Variants in TIAM1 observed in about 807,000 individuals in gnomAD.
TIAM1 encodes TIAM Rac1 associated GEF 1.
Under a neutral mutation model 163.5 loss-of-function variants are expected in TIAM1, and 65 were observed. That is an observed-to-expected ratio of 0.40 (90% confidence interval 0.33 to 0.49). The LOEUF (loss-of-function observed/expected upper bound fraction) is 0.49, where lower values mean the gene tolerates loss of function less well. TIAM1 is among the 20% of genes least tolerant of loss of function. The pLI is 0.77. For synonymous variants in TIAM1, 833 were observed against 810.1 expected, an observed-to-expected ratio of 1.03 and a Z score of -0.48; for missense variants, 1,789 against 2,044.7, an observed-to-expected ratio of 0.87 and a Z score of 2.41.
At position 31,229,573 on chromosome 21, in the gene TIAM1, G is replaced by A. The variant is rs8127100; in HGVS notation, c.1585-3623C>T. Among the ~76,000 whole-genome samples the A allele has an allele frequency of 6.8e-3, 1,038 of 152,042 alleles. 5 individuals carry two copies. Among genetic ancestry groups the A allele is most frequent in the African/African-American group, 0.024 (988 of 41,486 alleles). ...TGATAAAAAGCTGGTTCCTTGACCC[G>A]AAACATGCTTTCCATTTTGTTTGTA... On this transcript the variant is annotated intron_variant, in intron 6 of 27. Transcript: ENST00000541036.
chr21:31,525,512 C>T (rs1321814580), intron 1 of TIAM1, among the ~76,000 whole-genome samples: 1 of 152,016 alleles, frequency 6.6e-6, no homozygotes, highest in East Asian at 1.9e-4. Context: ...CACTAGGAAA[C>T]AAATTTCAGC....
chr21:31,390,358 A>G (rs1045580952), intron 2 of TIAM1, among the ~76,000 whole-genome samples: 19 of 152,352 alleles, frequency 1.2e-4, no homozygotes, highest in African/African-American at 4.6e-4. Flanking sequence ...ATCAAAAATG[A>G]CAAGTGATTT....
intron 13 of TIAM1, among the ~76,000 whole-genome samples, chr21:31,187,650 A>G (rs535174822): frequency 1.3e-5 from 2 of 152,198 alleles, no homozygotes; most frequent in African/African-American, 2.4e-5. Context: ...GTATCTGATC[A>G]TAAGATTATC....
intron 2 of TIAM1, among the ~76,000 whole-genome samples, chr21:31,423,389 C>T (rs886945777): frequency 1.3e-5 from 2 of 152,036 alleles, no homozygotes; most frequent in Non-Finnish European, 2.9e-5. Flanking sequence ...TGAGCCACCG[C>T]GCCCAGCCTG....
chr21:31,371,388 C>T (rs1569273530), intron 2 of TIAM1, among the ~76,000 whole-genome samples: 5 of 152,114 alleles, frequency 3.3e-5, no homozygotes, highest in African/African-American at 1.2e-4. Flanking sequence ...AGACTCAAGC[C>T]AAGGGAGGTT....
At chr21:31,522,918 A>G (rs1225995108) in intron 1 of TIAM1, among the ~76,000 whole-genome samples, 1 of 152,232 alleles carries the variant, frequency 6.6e-6, no homozygotes, top group African/African-American at 2.4e-5. Context: ...TTAAGCTACA[A>G]CCACAAATTC....
intron 2 of TIAM1, among the ~76,000 whole-genome samples, chr21:31,385,262 C>T (rs923244132): frequency 1.3e-5 from 2 of 152,150 alleles, no homozygotes; most frequent in Non-Finnish European, 2.9e-5. Flanking sequence ...GGGGTTTCAC[C>T]ATTTGACCAG....
In TIAM1 at chr21:31,266,139, T is replaced by C; in HGVS notation, c.834A>G (p.Glu278=). 2 of 1,614,204 alleles carry C rather than the reference T, an allele frequency of 1.2e-6. No individual in the cohort carries two copies. Among genetic ancestry groups the C allele is most frequent in the South Asian group, 1.1e-5 (1 of 91,090 alleles). The part of the protein sequence containing the change: ...ANHKMPPAAA[E]ETPPYSNYNT... ...TATAATTACTGTACGGAGGAGTCTCTTCAGCAGCAGCTGGTGGCATCTTAT... is the reference window on the plus strand; with the variant it reads ...TATAATTACTGTACGGAGGAGTCTCCTCAGCAGCAGCTGGTGGCATCTTAT... Residue 278 remains glutamate (E), a synonymous_variant, in exon 4 of 28, where the codon GAA becomes GAG. Transcript: ENST00000541036.
At chr21:31,147,241 A>C (rs1415141108) in intron 19 of TIAM1, among the ~76,000 whole-genome samples, 1 of 152,176 alleles carries the variant, frequency 6.6e-6, no homozygotes, top group Non-Finnish European at 1.5e-5. Flanking sequence ...TATAGGGTAG[A>C]TGTCCCTGGT....
chr21:31,383,743 C>T (rs1417584227), intron 2 of TIAM1, among the ~76,000 whole-genome samples: 2 of 152,158 alleles, frequency 1.3e-5, no homozygotes, highest in African/African-American at 2.4e-5. Flanking sequence ...ACCAACAGGA[C>T]GTGTCCATGT....
chr21:31,480,763 A>T (rs1050873032), intron 1 of TIAM1, among the ~76,000 whole-genome samples: 4 of 152,102 alleles, frequency 2.6e-5, no homozygotes, highest in Non-Finnish European at 5.9e-5. Flanking sequence ...TCATTCATTT[A>T]TTTTTGAGAC....
At chr21:31,500,774 C>T (rs770764109) in intron 1 of TIAM1, among the ~76,000 whole-genome samples, 11 of 152,134 alleles carry the variant, frequency 7.2e-5, no homozygotes, top group Admixed American at 1.3e-4. Flanking sequence ...ATGGAACTGA[C>T]GGTCCCACGG....
In TIAM1 at chr21:31,217,696, C is replaced by A; in HGVS notation, c.1999G>T (p.Ala667Ser). ...ACTCCAGTTTCACCAGTGCGTGCTGCCACCTGAGGATGGCAAGGACAAGCA... is the reference window on the plus strand; with the variant it reads ...ACTCCAGTTTCACCAGTGCGTGCTGACACCTGAGGATGGCAAGGACAAGCA... ...FSVSSFHALV[A>S]ARTGETGVRR... is the part of the protein sequence containing the mutation. Residue 667 changes from alanine to serine, a missense_variant, in exon 9 of 28, where the codon GCA becomes TCA. Around this residue, in one of 5 missense-constraint regions of TIAM1, gnomAD observed 456 missense variants for 586.6 expected, o/e 0.78. Coordinates refer to ENST00000541036, the MANE Select transcript of TIAM1 (RefSeq NM_001353694.2). 1 of 1,612,626 alleles carries A rather than the reference C, an allele frequency of 6.2e-7. No individual in the cohort carries two copies. The highest frequency in any genetic ancestry group is 2.2e-5 in the East Asian group (1 of 44,856).
chr21:31,311,712 GA>G (rs1306917655), intron 2 of TIAM1, among the ~76,000 whole-genome samples: 4 of 152,196 alleles, frequency 2.6e-5, no homozygotes, highest in Non-Finnish European at 4.4e-5. Context: ...TCTGCGGCCA[GA>G]AAGACAATGA....
chr21:31,160,889 TC>T (rs1285476950), intron 16 of TIAM1: 1 of 171,072 alleles, frequency 5.8e-6, no homozygotes, highest in African/African-American at 2.4e-5. Context: ...ACAAAATGCC[TC>T]CCCGGGATGT....
At chr21:31,531,760 T>TAAAA (rs60258369) in intron 1 of TIAM1, among the ~76,000 whole-genome samples, 1 of 144,168 alleles carries the variant, frequency 6.9e-6, no homozygotes. Flanking sequence ...ATACAGGAGT[T>TAAAA]AAAAAAAAAA....
At chr21:31,199,402 C>A (rs922465185) in intron 12 of TIAM1, among the ~76,000 whole-genome samples, 6 of 152,062 alleles carry the variant, frequency 3.9e-5, no homozygotes, top group Admixed American at 2.6e-4. Context: ...CCCTCCCCCC[C>A]ACCATCTCCT....
At chr21:31,499,089 A>G (rs894809257) in intron 1 of TIAM1, among the ~76,000 whole-genome samples, 6 of 152,128 alleles carry the variant, frequency 3.9e-5, no homozygotes, top group Non-Finnish European at 8.8e-5. Context: ...TTATTTGGCA[A>G]AGATACCTTG....
chr21:31,132,769 G>A (rs1315846578), intron 23 of TIAM1, among the ~76,000 whole-genome samples: 1 of 152,078 alleles, frequency 6.6e-6, no homozygotes. Flanking sequence ...AGTGTTGCCC[G>A]ATCCCTTCAG....
Sources: gnomAD v4.1 joint callset for allele counts (sites outside exome capture counted in the v4.1 genomes callset) on GRCh38, gnomAD v4.1.1 for gene constraint, gnomAD v4.1.1 regional missense constraint, MANE v1.5 for transcripts, NCBI Gene and HGNC (gene_info 2026-07-23, HGNC 2026-07-21) for gene names.